Variants in LTBR observed in about 807,000 individuals in gnomAD.
LTBR encodes the protein tumor necrosis factor receptor superfamily member 3.
Under a neutral mutation model 45.4 loss-of-function variants are expected in LTBR, and 15 were observed. The ratio of observed to expected loss-of-function variants is 0.33; its 90% CI spans 0.22 to 0.51. LTBR has a LOEUF of 0.51. LTBR is among the 20% of genes least tolerant of loss of function. LTBR has a pLI of 0.97. For missense variants in LTBR, 450 were observed against 565.5 expected, an observed-to-expected ratio of 0.80 and a Z score of 2.07; for synonymous variants, 228 against 231.0, an observed-to-expected ratio of 0.99 and a Z score of 0.12.
At chr12:6,390,084 T>G (rs768408767) in intron 8 of LTBR, 28 bp from the exon 9 acceptor site, 4 of 1,502,566 alleles carry the variant, frequency 2.7e-6, no homozygotes, top group Non-Finnish European at 3.7e-6. Flanking sequence ...CCCTCATCAT[T>G]GTTTGGGTCT....
Position 6,390,799 on chromosome 12 carries a change from A to T in LTBR, c.1170A>T (p.Glu390Asp). 6.2e-7 allele frequency: 1 copy of T among 1,610,780 alleles called. No homozygotes were observed. Among genetic ancestry groups the T allele is most frequent in the East Asian group, 2.2e-5 (1 of 44,808 alleles). The stretch of plus-strand genomic sequence containing the variant: ...CCGAACCTCCATACCCCATTCCCGA[A>T]GAGGGGGACCCTGGCCCTCCCGGGC... ...ATPEPPYPIP[E>D]EGDPGPPGLS... The change falls in exon 10 of 10, where the codon GAA becomes GAT. Residue 390 changes from glutamate (E) to aspartate (D), a missense_variant. Glu to Asp is a conservative substitution (Grantham distance 45). Around this residue, in one of 3 missense-constraint regions of LTBR, gnomAD observed 71 missense variants for 90.4 expected, o/e 0.79. Transcript: ENST00000228918.
At chr12:6,375,713 C>A (rs1948894931) in intron 1 of LTBR, 1 of 1,430,366 alleles carries the variant, frequency 7.0e-7, no homozygotes, top group Non-Finnish European at 9.1e-7. Context: ...GGACTCTGGG[C>A]AGGGGCTTTA....
chr12:6,386,722 G>T lies in LTBR; in HGVS notation c.667+278G>T. 1 of 372,776 alleles carries T rather than the reference G, an allele frequency of 2.7e-6. No homozygotes were observed. The highest frequency in any genetic ancestry group is 4.8e-6 in the Non-Finnish European group (1 of 207,584). The allele number at this position is 372,776 out of a possible 1,614,324, so 23.1% of individuals were successfully genotyped here. ...TGATAACTACTATTGTCATCATTTT[G>T]GGCTTACCAACATTACACAATCCGT... is the stretch of plus-strand genomic sequence containing the variant. On this transcript the variant is annotated intron_variant, in intron 6 of 9. Coordinates refer to ENST00000228918, the MANE Select transcript of LTBR (RefSeq NM_002342.3). This position sits in a 1 kb window ranked among gnomAD's most constrained non-coding sequence, Gnocchi z 4.1.
chr12:6,375,605 CG>C (rs1565489488), intron 1 of LTBR: 3 of 1,473,878 alleles, frequency 2.0e-6, no homozygotes, highest in African/African-American at 1.4e-5. Context: ...GTGAGCAGGG[CG>C]GGGGGAGGGG....
chr12:6,375,174 A>T (rs1267339189), upstream of LTBR: 4 of 1,455,524 alleles, frequency 2.7e-6, no homozygotes, highest in Admixed American at 9.9e-5. Flanking sequence ...TTCCTCCAGG[A>T]TCTGTGTCTC....
chr12:6,378,816 C>T (rs891632116), intron 1 of LTBR, among the ~76,000 whole-genome samples: 3 of 152,132 alleles, frequency 2.0e-5, no homozygotes, highest in Non-Finnish European at 4.4e-5. Flanking sequence ...CCTGCCTTCC[C>T]AGGACTACCC....
intron 1 of LTBR, among the ~76,000 whole-genome samples, chr12:6,378,894 A>G (rs907150424): frequency 2.6e-5 from 4 of 151,764 alleles, no homozygotes; most frequent in African/African-American, 9.7e-5. Context: ...AACACCAGCT[A>G]TCCTCTAACC....
chr12:6,388,025 T>C lies in LTBR; in HGVS notation c.668-373T>C. The C allele has an allele frequency of 2.8e-6, 1 of 357,096 alleles. No homozygotes were observed. Among genetic ancestry groups the C allele is most frequent in the Non-Finnish European group, 5.5e-6 (1 of 180,298 alleles). The allele number at this position is 357,096 out of a possible 1,614,324, so 22.1% of individuals were successfully genotyped here. ...CTGTTTACAACTCCAAGTCCCACCC[T>C]TCCCTACTGTCTCCCAATCCCACTT... On this transcript the variant is annotated intron_variant, in intron 6 of 9. Coordinates refer to ENST00000228918, the MANE Select transcript of LTBR (RefSeq NM_002342.3). This position sits in a 1 kb window ranked among gnomAD's most constrained non-coding sequence, Gnocchi z 4.3.
In LTBR at chr12:6,386,469, C is replaced by CT. The variant is rs5796232; in HGVS notation, c.667+25_667+26insT. 6.7e-7 allele frequency: 1 copy of CT among 1,483,910 alleles called. No homozygotes were observed. The highest frequency in any genetic ancestry group is 1.7e-5 in the Admixed American group (1 of 57,896). 91.9% of individuals were successfully genotyped at this position (1,483,910 alleles called of 1,614,324 possible). On this transcript the variant is annotated intron_variant, in intron 6 of 9. Transcript: ENST00000228918. The surrounding 1 kb of genome is among the most constrained non-coding windows in gnomAD (Gnocchi z 4.1). ...GGTGAGGGACCAGGGCTGAGGGACA[C>CT]GGGGGGGGCGCCTCTGAAAATGCCT...
chr12:6,383,823 C>G (rs1418436691), upstream of LTBR, among the ~76,000 whole-genome samples: 8 of 152,226 alleles, frequency 5.3e-5, no homozygotes. Flanking sequence ...CATGACTGCC[C>G]GTCCTGGGCC....
chr12:6,390,649 C>T lies in LTBR; in HGVS notation c.1031-11C>T, dbSNP rs778981024. 1.3e-5 allele frequency: 20 copies of T among 1,499,840 alleles called. No homozygotes were observed. Among genetic ancestry groups the T allele is most frequent in the Non-Finnish European group, 1.5e-5 (17 of 1,125,002 alleles). The allele number at this position is 1,499,840 out of a possible 1,614,324, so 92.9% of individuals were successfully genotyped here. ...CCTTCCTTCCTCAACACTCTGCCTC[C>T]CTTCCTACAGGTACCAATGGCATTC... On this transcript the variant is annotated splice_polypyrimidine_tract_variant and intron_variant, in intron 9 of 9. Coordinates refer to ENST00000228918, the MANE Select transcript of LTBR (RefSeq NM_002342.3).
Position 6,388,838 on chromosome 12 carries a change from G to T in LTBR, c.801+13G>T. ...GAGGCGTCCGCAGGTAATGGCGGGG[G>T]CTGAGAAGGCAGCAAGAAGGGGAAG... On this transcript the variant is annotated intron_variant, in intron 8 of 9. Coordinates refer to ENST00000228918, the MANE Select transcript of LTBR (RefSeq NM_002342.3). The surrounding 1 kb of genome is among the most constrained non-coding windows in gnomAD (Gnocchi z 4.3). 1 of 1,614,060 alleles carries T rather than the reference G, an allele frequency of 6.2e-7. No homozygotes were observed. Among genetic ancestry groups the T allele is most frequent in the South Asian group, 1.1e-5 (1 of 91,076 alleles).
rs748787501 is a variant in LTBR, at chr12:6,384,672, C to T, written c.181C>T (p.Arg61Cys). 10 of 1,614,166 alleles carry T rather than the reference C, an allele frequency of 6.2e-6. No homozygotes were observed. The highest frequency in any genetic ancestry group is 7.6e-6 in the Non-Finnish European group (9 of 1,180,000). Reference sequence around the variant, plus strand: ...GCCCCAGCACCGCATCTGCTGCTCCCGCTGCCCGCCAGGTGAGAGGCAATG... The same window carrying T: ...GCCCCAGCACCGCATCTGCTGCTCCTGCTGCCCGCCAGGTGAGAGGCAATG... ...YEPQHRICCS[R>C]CPPGTYVSAK... The change falls in exon 2 of 10, where the codon CGC becomes TGC. Residue 61 changes from arginine (R) to cysteine (C), a missense_variant. Transcript: ENST00000228918.
Position 6,386,103 on chromosome 12 carries a change from C to T in LTBR, c.510C>T (p.Cys170=), listed in dbSNP as rs1949042685. Residue 170 remains cysteine, a synonymous_variant, in exon 5 of 10, where the codon TGC becomes TGT. Transcript: ENST00000228918. The surrounding 1 kb of genome is among the most constrained non-coding windows in gnomAD (Gnocchi z 4.1). ...VGKGNNHCVP[C]KAGHFQNTSS... is the part of the protein sequence containing the mutation. ...AGGGTAACAACCACTGCGTCCCCTGCAAGGCCGGGCACTTCCAGAATACCT... is the reference window on the plus strand; with the variant it reads ...AGGGTAACAACCACTGCGTCCCCTGTAAGGCCGGGCACTTCCAGAATACCT... 6.2e-7 allele frequency: 1 copy of T among 1,613,890 alleles called. No individual in the cohort carries two copies. The highest frequency in any genetic ancestry group is 1.7e-5 in the Admixed American group (1 of 60,002).
At chr12:6,384,106 A>ACAGGC, upstream of LTBR, 1 of 1,257,068 alleles carries the variant, frequency 8.0e-7, no homozygotes, top group Non-Finnish European at 1.0e-6. Flanking sequence ...TGCGATTGCG[A>ACAGGC]CAGGCCGGCC....
intron 1 of LTBR, chr12:6,377,056 A>G: frequency 1.9e-6 from 1 of 538,264 alleles, no homozygotes; most frequent in Non-Finnish European, 3.3e-6. Context: ...AGACTCAGGA[A>G]GCCTTCCCAG....
In LTBR at chr12:6,385,370, G is replaced by C. The variant is rs758460306; in HGVS notation, c.463G>C (p.Glu155Gln). ...LSDCPPGTEAELKDEVGKGNN... is the reference protein window; with the variant it reads ...LSDCPPGTEAQLKDEVGKGNN... ...TGACTGCCCGCCTGGCACTGAAGCC[G>C]AGCTCAAAGGTCAGAGGTCCCTGAG... The change falls in exon 4 of 10, where the codon GAG becomes CAG. Residue 155 changes from glutamate (E) to glutamine (Q), a missense_variant. Transcript: ENST00000228918. The C allele has an allele frequency of 1.2e-6, 2 of 1,613,956 alleles. No individual in the cohort carries two copies. The highest frequency in any genetic ancestry group is 8.5e-7 in the Non-Finnish European group (1 of 1,180,022).
exon 1 of LTBR, chr12:6,375,479 G>A: frequency 6.5e-7 from 1 of 1,535,570 alleles, no homozygotes; most frequent in Non-Finnish European, 8.7e-7. Context: ...GTTGAATCTG[G>A]CAGCCAAACC....
rs374274216 is a variant in LTBR at position 6,386,416 on chromosome 12, A to T, written c.639A>T (p.Pro213=). The T allele has an allele frequency of 1.5e-5, 24 of 1,613,208 alleles. No individual in the cohort carries two copies. Among genetic ancestry groups the T allele is most frequent in the Non-Finnish European group, 1.8e-5 (21 of 1,179,744 alleles). The part of the protein sequence containing the change: ...TAQSDTTCKN[P]LEPLPPEMSG... ...AGTCCGACACAACCTGCAAAAATCCATTAGAGCCACTGCCCCCAGAGATGT... is the reference window on the plus strand; with the variant it reads ...AGTCCGACACAACCTGCAAAAATCCTTTAGAGCCACTGCCCCCAGAGATGT... Residue 213 remains proline (P), a synonymous_variant, in exon 6 of 10, where the codon CCA becomes CCT. Coordinates refer to ENST00000228918, the MANE Select transcript of LTBR (RefSeq NM_002342.3). This position sits in a 1 kb window ranked among gnomAD's most constrained non-coding sequence, Gnocchi z 4.1.
Sources: allele counts gnomAD v4.1 joint callset (sites outside exome capture counted in the v4.1 genomes callset), GRCh38; gene constraint gnomAD v4.1.1; regional missense constraint gnomAD v4.1.1; non-coding constraint Gnocchi (gnomAD v3.1); transcripts MANE v1.5; gene names NCBI Gene and HGNC (gene_info 2026-07-23, HGNC 2026-07-21).